The following EIF3B variants were observed in gnomAD, a reference collection of about 807,000 sequenced individuals.
The protein encoded by EIF3B is eukaryotic translation initiation factor 3 subunit 9.
In EIF3B, 10 loss-of-function variants were observed where a neutral mutation model predicts 104.6. The ratio of observed to expected loss-of-function variants is 0.10; its 90% CI spans 0.06 to 0.16. The LOEUF is 0.16. EIF3B is among the 10% of genes least tolerant of loss of function. EIF3B has a pLI of 1.00. For synonymous variants in EIF3B, 542 were observed against 417.2 expected, an observed-to-expected ratio of 1.30 and a Z score of -3.65; for missense variants, 1,014 against 1,087.9, an observed-to-expected ratio of 0.93 and a Z score of 0.96.
At chr7:2,373,957 C>T (rs1780498472) in intron 12 of EIF3B, 1 of 152,322 alleles carries the variant, frequency 6.6e-6, no homozygotes, top group Admixed American at 6.5e-5. Context: ...GTACCACAGG[C>T]TGAGGGGAGA....
rs752702368 is a variant in EIF3B, at chr7:2,364,453, G to C, written c.1081G>C (p.Gly361Arg). 6 of 1,613,260 alleles carry C rather than the reference G, an allele frequency of 3.7e-6. No individual in the cohort carries two copies. The highest frequency in any genetic ancestry group is 4.2e-6 in the Non-Finnish European group (5 of 1,179,728). ...TFHQRGIALW[G>R]GEKFKQIQRF... ...TCATCAAAGAGGCATTGCTCTATGG[G>C]GGGGAGAGAAATTCAAGCAAATTCA... Residue 361 changes from glycine (G) to arginine (R), a missense_variant, in exon 6 of 19, where the codon GGG (glycine) becomes CGG (arginine). Around this residue, in one of 4 missense-constraint regions of EIF3B, gnomAD observed 201 missense variants for 240.7 expected, o/e 0.83. Coordinates refer to ENST00000360876, the MANE Select transcript of EIF3B (RefSeq NM_001037283.2).
Position 2,380,249 on chromosome 7 carries a change from C to T in EIF3B, c.*60C>T, listed in dbSNP as rs762998096. ...TTCCCGCGCTGAGCTACAGGACTCC[C>T]GAGTGTGAGCCGCGGTTCCTCTGTT... On this transcript the variant is annotated 3_prime_UTR_variant, in exon 19 of 19. Transcript: ENST00000360876. 43 of 473,680 alleles carry T rather than the reference C, an allele frequency of 9.1e-5. No homozygotes were observed. The highest frequency in any genetic ancestry group is 6.3e-4 in the African/African-American group (32 of 50,908). The allele number at this position is 473,680 out of a possible 1,614,324, so 29.3% of individuals were successfully genotyped here.
chr7:2,372,599 GA>G, intron 11 of EIF3B, 73 bp from the exon 12 acceptor site: 1 of 1,535,540 alleles, frequency 6.5e-7, no homozygotes, highest in Non-Finnish European at 8.8e-7. Context: ...GTTGAATAGT[GA>G]ACATTTTAAC....
Position 2,366,364 on chromosome 7 carries a change from A to G in EIF3B, c.1205A>G (p.Gln402Arg). 6.2e-7 allele frequency: 1 copy of G among 1,613,854 alleles called. No individual in the cohort carries two copies. Among genetic ancestry groups the G allele is most frequent in the Non-Finnish European group, 8.5e-7 (1 of 1,179,904 alleles). ...CTGATGGACACGCAGGATGACCCTC[A>G]GGCCATAATCATCTGGGACATCCTT... ...SPLMDTQDDP[Q>R]AIIIWDILTG... The change falls in exon 7 of 19, where the codon CAG becomes CGG. Residue 402 changes from glutamine (Q) to arginine (R), a missense_variant. Coordinates refer to ENST00000360876, the MANE Select transcript of EIF3B (RefSeq NM_001037283.2).
Position 2,360,758 on chromosome 7 carries a change from T to C in EIF3B, c.548T>C (p.Ile183Thr). Residue 183 changes from isoleucine (I) to threonine (T), a missense_variant, in exon 2 of 19, where the codon ATC (isoleucine) becomes ACC (threonine). Ile to Thr is a moderately conservative substitution (Grantham distance 89). Coordinates refer to ENST00000360876, the MANE Select transcript of EIF3B (RefSeq NM_001037283.2). ...GATCGGCCCCAGGAAGCAGATGGAA[T>C]CGATTCGGTGATTGTAGTGGACAAT... ...LKDRPQEADG[I>T]DSVIVVDNVP... The C allele has an allele frequency of 6.2e-7, 1 of 1,601,224 alleles. No homozygotes were observed. Among genetic ancestry groups the C allele is most frequent in the Non-Finnish European group, 8.6e-7 (1 of 1,169,176 alleles).
chr7:2,375,542 G>T lies in EIF3B; in HGVS notation c.2028+15G>T, dbSNP rs1180218741. 1 of 1,614,020 alleles carries T rather than the reference G, an allele frequency of 6.2e-7. No individual in the cohort carries two copies. Among genetic ancestry groups the T allele is most frequent in the Admixed American group, 1.7e-5 (1 of 60,022 alleles). ...GGAGCCATAAGGTGCAGGCCTGTGGGGCATAGTTTTGACTGTGGATAGAAG... is the reference window on the plus strand; with the variant it reads ...GGAGCCATAAGGTGCAGGCCTGTGGTGCATAGTTTTGACTGTGGATAGAAG... On this transcript the variant is annotated intron_variant, in intron 14 of 18. Transcript: ENST00000360876.
In EIF3B at chr7:2,355,398, C is replaced by T. The variant is rs1400255213; in HGVS notation, c.477C>T (p.Phe159=). Residue 159 remains phenylalanine (F), a synonymous_variant, in exon 1 of 19, where the codon TTC becomes TTT. Transcript: ENST00000360876. ...DEPSFSDPED[F]VDDVSEEELL... is the part of the protein sequence containing the mutation. ...CCTCCTTCAGCGACCCCGAGGACTT[C>T]GTGGACGACGTGAGCGAGGAAGGTG... is the stretch of plus-strand genomic sequence containing the variant. 2 of 1,485,432 alleles carry T rather than the reference C, an allele frequency of 1.3e-6. No homozygotes were observed. The highest frequency in any genetic ancestry group is 1.3e-5 in the South Asian group (1 of 78,496). The allele number at this position is 1,485,432 out of a possible 1,614,324, so 92.0% of individuals were successfully genotyped here.
At chr7:2,370,101 A>G (rs1201771025) in intron 10 of EIF3B, among the ~76,000 whole-genome samples, 1 of 152,184 alleles carries the variant, frequency 6.6e-6, no homozygotes, top group East Asian at 1.9e-4. Flanking sequence ...CTTTCTAAGC[A>G]CAAGGAGTAG....
rs181409131 is a variant in EIF3B, at chr7:2,375,430, C to G, written c.1931C>G (p.Thr644Arg). Reference sequence around the variant, plus strand: ...GCGTTTGTGGACACTTCGGACTGCACGGTCATGAACATCGCAGAGCACTAC... The same window carrying G: ...GCGTTTGTGGACACTTCGGACTGCAGGGTCATGAACATCGCAGAGCACTAC... ...ALAFVDTSDC[T>R]VMNIAEHYMA... Residue 644 changes from threonine to arginine, a missense_variant, in exon 14 of 19, where the codon ACG (threonine) becomes AGG (arginine). By Grantham distance (71) the Thr-to-Arg change is moderately conservative. This residue lies in a region of EIF3B where 266 missense variants were observed against 324.0 expected (regional missense o/e 0.82). Coordinates refer to ENST00000360876, the MANE Select transcript of EIF3B (RefSeq NM_001037283.2). The G allele has an allele frequency of 1.2e-6, 2 of 1,614,198 alleles. No homozygotes were observed. Among genetic ancestry groups the G allele is most frequent in the South Asian group, 1.1e-5 (1 of 91,086 alleles).
intron 2 of EIF3B, 74 bp downstream of exon 2, chr7:2,360,976 T>C: frequency 7.9e-7 from 1 of 1,271,746 alleles, no homozygotes; most frequent in East Asian, 2.5e-5. Flanking sequence ...CAGGAGATCC[T>C]TACTAACACA....
chr7:2,369,326 G>A (rs1442385089), intron 9 of EIF3B, 146 bp from the exon 10 acceptor site: 1 of 829,774 alleles, frequency 1.2e-6, no homozygotes, highest in Non-Finnish European at 2.0e-6. Context: ...CATGCCCAGA[G>A]CAGTGGCTGT....
At position 2,379,116 on chromosome 7, in the gene EIF3B, C is replaced by T. The variant is rs1780854422; in HGVS notation, c.2233-18C>T. ...ACTTGTCTTACCAGTTCTGTGCTTTCCCCAACCTCATGCATAGGAATTGGT... is the reference window on the plus strand; with the variant it reads ...ACTTGTCTTACCAGTTCTGTGCTTTTCCCAACCTCATGCATAGGAATTGGT... On this transcript the variant is annotated intron_variant, in intron 16 of 18. Coordinates refer to ENST00000360876, the MANE Select transcript of EIF3B (RefSeq NM_001037283.2). 6.2e-7 allele frequency: 1 copy of T among 1,611,000 alleles called. No homozygotes were observed. Among genetic ancestry groups the T allele is most frequent in the Non-Finnish European group, 8.5e-7 (1 of 1,177,854 alleles).
At chr7:2,373,005 C>G in intron 12 of EIF3B, 2 of 400,366 alleles carry the variant, frequency 5.0e-6, no homozygotes, top group Non-Finnish European at 8.8e-6. Context: ...CCCCGTTGAG[C>G]CCTCACGTTT....
Position 2,355,235 on chromosome 7 carries a change from G to A in EIF3B, c.314G>A (p.Gly105Asp), listed in dbSNP as rs1001373531. The A allele has an allele frequency of 1.1e-5, 17 of 1,512,876 alleles. No homozygotes were observed. The East Asian group carries it at 1.3e-4, about 12-fold the overall frequency. 93.7% of individuals were successfully genotyped at this position (1,512,876 alleles called of 1,614,324 possible). A position where few individuals can be genotyped will look rare whatever the true frequency, so the allele number is the denominator to read the frequency against. The change falls in exon 1 of 19, where the codon GGC becomes GAC. Residue 105 changes from glycine (G) to aspartate (D), a missense_variant. This residue lies in a region of EIF3B where 488 missense variants were observed against 404.3 expected (regional missense o/e 1.21). Transcript: ENST00000360876. Reference protein sequence around the residue: ...SHAEPPVPAQGEAPGEQARDE... With the variant: ...SHAEPPVPAQDEAPGEQARDE... ...GCTGAGCCCCCTGTCCCGGCACAGG[G>A]CGAGGCCCCAGGAGAGCAGGCTCGG... is the stretch of plus-strand genomic sequence containing the variant.
chr7:2,377,039 C>A lies in EIF3B; in HGVS notation c.2118C>A (p.Pro706=). 1 of 1,613,686 alleles carries A rather than the reference C, an allele frequency of 6.2e-7. No homozygotes were observed. The highest frequency in any genetic ancestry group is 8.5e-7 in the Non-Finnish European group (1 of 1,179,976). ...GCTTCTGCCAGCTGCTGTGGCGGCC[C>A]CGGCCTCCCACACTCCTGAGCCAGG... ...KDRFCQLLWR[P]RPPTLLSQEQ... Residue 706 remains proline, a synonymous_variant, in exon 15 of 19, where the codon CCC becomes CCA. Transcript: ENST00000360876.
Position 2,376,627 on chromosome 7 carries a change from A to G in EIF3B, c.2029-323A>G, listed in dbSNP as rs1281724391. 4.9e-5 allele frequency: 14 copies of G among 287,164 alleles called. 1 individual carries two copies. The highest frequency in any genetic ancestry group is 2.6e-5 in the Non-Finnish European group (4 of 152,016). The allele number at this position is 287,164 out of a possible 1,614,324, so 17.8% of individuals were successfully genotyped here. ...TTGGCACAGGGTTCAGTCCAGTTTA[A>G]ATCCAGCACGGGGTTCAGCGGCGCA... On this transcript the variant is annotated intron_variant, in intron 14 of 18. Transcript: ENST00000360876.
At chr7:2,366,950 GA>G (rs745332465) in intron 8 of EIF3B, 48 bp from the exon 9 acceptor site, 3 of 1,578,524 alleles carry the variant, frequency 1.9e-6, no homozygotes, top group Non-Finnish European at 2.6e-6. Context: ...GTGTTTCTGA[GA>G]CACTGACATG....
rs747100495 is a variant in EIF3B, at chr7:2,361,779, TTTTG to T, written c.693-849_693-846del. The stretch of plus-strand genomic sequence containing the variant: ...CAATATTAGACTACTTTTAAGTTTT[TTTTG>T]TTTGTTTGTTTGTTTGAGACAGTCT... On this transcript the variant is annotated intron_variant, in intron 2 of 18. Coordinates refer to ENST00000360876, the MANE Select transcript of EIF3B (RefSeq NM_001037283.2). Among the ~76,000 whole-genome samples the T allele has an allele frequency of 4.8e-4, 73 of 152,042 alleles. 1 individual carries two copies. In the South Asian group the frequency reaches 9.8e-3, roughly 20 times the overall value.
At position 2,366,800 on chromosome 7, in the gene EIF3B, G is replaced by T. The variant is rs1242880910; in HGVS notation, c.1357-199G>T. 3 of 800,066 alleles carry T rather than the reference G, an allele frequency of 3.7e-6. No homozygotes were observed. In the African/African-American group the frequency reaches 5.2e-5, roughly 14 times the overall value. The allele number at this position is 800,066 out of a possible 1,614,324, so 49.6% of individuals were successfully genotyped here. On this transcript the variant is annotated intron_variant, in intron 8 of 18. Coordinates refer to ENST00000360876, the MANE Select transcript of EIF3B (RefSeq NM_001037283.2). ...CCTGGCGCAGCCGTGGGAAGTCCTG[G>T]ATGGGAGTTAATGCAGTGGGCTTCA...
Sources: gnomAD v4.1 joint callset for allele counts (sites outside exome capture counted in the v4.1 genomes callset) on GRCh38, gnomAD v4.1.1 for gene constraint, gnomAD v4.1.1 regional missense constraint, MANE v1.5 for transcripts, NCBI Gene and HGNC (gene_info 2026-07-23, HGNC 2026-07-21) for gene names.